The following ITGA3 variants were observed in gnomAD, a reference collection of about 807,000 sequenced individuals.
ITGA3 encodes the protein integrin alpha-3.
ITGA3 carries 70 observed loss-of-function variants against 131.1 expected under a neutral mutation model. The ratio of observed to expected loss-of-function variants is 0.53; its 90% CI spans 0.44 to 0.65. ITGA3 has a LOEUF of 0.65. Among genes scored for constraint, ITGA3 ranks in the 30% least tolerant of loss-of-function variants. ITGA3 has a pLI of 0.00. For synonymous variants in ITGA3, 537 were observed against 571.6 expected (o/e 0.94, Z 0.86); for missense variants, 1,098 against 1,388.6 (o/e 0.79, Z 3.33).
Position 50,071,433 on chromosome 17 carries a change from C to G in ITGA3, c.874C>G (p.Leu292Val). The G allele has an allele frequency of 6.2e-7, 1 of 1,614,072 alleles. No individual in the cohort carries two copies. The highest frequency in any genetic ancestry group is 8.5e-7 in the Non-Finnish European group (1 of 1,180,036). ...GCTGAGCCAGGAGGCAGGCGGAGAC[C>G]TGCGGAGGAGGCAGGTGCTGGAGGG... ...FLLSQEAGGD[L>V]RRRQVLEGSQ... is the part of the protein sequence containing the mutation. Residue 292 changes from leucine to valine, a missense_variant, in exon 6 of 26, where the codon CTG (leucine) becomes GTG (valine). Leu to Val is a conservative substitution (Grantham distance 32). This residue lies in a region of ITGA3 where 356 missense variants were observed against 529.2 expected (regional missense o/e 0.67). Transcript: ENST00000320031.
chr17:50,056,898 G>C lies in ITGA3; in HGVS notation c.206+253G>C, dbSNP rs926854329. Among the ~76,000 whole-genome samples, 2 of 152,186 alleles carry C rather than the reference G, an allele frequency of 1.3e-5. No homozygotes were observed. The highest frequency in any genetic ancestry group is 4.1e-4 in the South Asian group (2 of 4,822). ...CGCCCTTTAGATCTCTCATGAGAGC[G>C]GAAGTGGGGTCCCGGTGGCTGAGTC... On this transcript the variant is annotated intron_variant, in intron 1 of 25. Coordinates refer to ENST00000320031, the MANE Select transcript of ITGA3 (RefSeq NM_002204.4). This position sits in a 1 kb window ranked among gnomAD's most constrained non-coding sequence, Gnocchi z 5.6.
chr17:50,064,589 C>A lies in ITGA3; in HGVS notation c.396C>A (p.Gly132=), dbSNP rs1188384055. 2 of 1,612,552 alleles carry A rather than the reference C, an allele frequency of 1.2e-6. No homozygotes were observed. Among genetic ancestry groups the A allele is most frequent in the African/African-American group, 2.7e-5 (2 of 74,902 alleles). The change falls in exon 3 of 26, where the codon GGC becomes GGA. Residue 132 remains glycine (G), a synonymous_variant. Coordinates refer to ENST00000320031, the MANE Select transcript of ITGA3 (RefSeq NM_002204.4). This position sits in a 1 kb window ranked among gnomAD's most constrained non-coding sequence, Gnocchi z 4.4. Reference sequence around the variant, plus strand: ...TTGGAGTGACTGTGGCCAGCCAGGGCCCTGCAGGCAGAGTTCTGGTAAGTG... The same window carrying A: ...TTGGAGTGACTGTGGCCAGCCAGGGACCTGCAGGCAGAGTTCTGGTAAGTG... The part of the protein sequence containing the change: ...MWLGVTVASQ[G]PAGRVLVCAH...
intron 4 of ITGA3, among the ~76,000 whole-genome samples, chr17:50,069,764 T>C (rs1308613817): frequency 6.6e-6 from 1 of 152,208 alleles, no homozygotes; most frequent in Non-Finnish European, 1.5e-5. Context: ...TTTTAGAGGA[T>C]GAAGGGTATT....
intron 23 of ITGA3, among the ~76,000 whole-genome samples, chr17:50,082,193 T>C (rs962636440): frequency 1.3e-5 from 2 of 151,990 alleles, no homozygotes; most frequent in Non-Finnish European, 2.9e-5. Context: ...TTTATTTATT[T>C]ATTTATTTTT....
chr17:50,070,071 C>G (rs1300639579), intron 4 of ITGA3, among the ~76,000 whole-genome samples: 2 of 152,192 alleles, frequency 1.3e-5, no homozygotes, highest in Non-Finnish European at 2.9e-5. Context: ...CATGTAGCAC[C>G]TTGGCAAAGT....
chr17:50,060,675 C>T (rs1567695827), intron 1 of ITGA3, among the ~76,000 whole-genome samples: 1 of 152,060 alleles, frequency 6.6e-6, no homozygotes, highest in Non-Finnish European at 1.5e-5. Context: ...GGGGTCTCTG[C>T]TCCCCCCAGT....
rs1173842332 is a variant in ITGA3 at position 50,056,459 on chromosome 17, G to GCGCGCCC, written c.29_35dup (p.Leu14ProfsTer91). ...GCAGCCATGGGCCCCGGCCCCAGCC[G>GCGCGCCC]CGCGCCCCGCGCCCCACGCCTGATG... is the stretch of plus-strand genomic sequence containing the variant. On this transcript the variant is annotated frameshift_variant, in exon 1 of 26. Coordinates refer to ENST00000320031, the MANE Select transcript of ITGA3 (RefSeq NM_002204.4). LOFTEE classifies it high-confidence loss of function. This position sits in a 1 kb window ranked among gnomAD's most constrained non-coding sequence, Gnocchi z 5.6. The GCGCGCCC allele has an allele frequency of 3.3e-6, 5 of 1,535,082 alleles. No homozygotes were observed. The African/African-American group carries it at 5.6e-5, about 17-fold the overall frequency.
intron 12 of ITGA3, 31 bp from the exon 13 acceptor site, chr17:50,076,295 G>T: frequency 6.2e-7 from 1 of 1,606,300 alleles, no homozygotes. Context: ...GAGCAGTGCA[G>T]GGCCGGGCTC....
chr17:50,089,013 G>T, intron 25 of ITGA3, 97 bp from the exon 26 acceptor site: 1 of 895,812 alleles, frequency 1.1e-6, no homozygotes. Context: ...TTCTGGCTTT[G>T]AGGAGTTCTG....
At position 50,090,237 on chromosome 17, in the gene ITGA3, T is replaced by C. The variant is rs1909654646; in HGVS notation, c.*1159T>C. ...GTCAGGGGCCTAGAGGTGGAGTTCT[T>C]AGCTATCCTTGGCTTTCAGAGCCAG... On this transcript the variant is annotated 3_prime_UTR_variant, in exon 26 of 26. Coordinates refer to ENST00000320031, the MANE Select transcript of ITGA3 (RefSeq NM_002204.4). 2 of 456,362 alleles carry C rather than the reference T, an allele frequency of 4.4e-6. No homozygotes were observed. Among genetic ancestry groups the C allele is most frequent in the South Asian group, 3.1e-5 (2 of 64,558 alleles). The allele number at this position is 456,362 out of a possible 1,614,324, so 28.3% of individuals were successfully genotyped here. A position where few individuals can be genotyped will look rare whatever the true frequency, so the allele number is the denominator to read the frequency against.
chr17:50,079,776 G>A (rs968228638), intron 21 of ITGA3, among the ~76,000 whole-genome samples: 13 of 152,248 alleles, frequency 8.5e-5, no homozygotes, highest in African/African-American at 3.1e-4. Flanking sequence ...AAAGGAGGAG[G>A]CACTGGCTCT....
Position 50,077,415 on chromosome 17 carries a change from G to A in ITGA3, c.2107G>A (p.Glu703Lys), listed in dbSNP as rs1391826569. ...ACQANETIFC[E>K]LGNPFKRNQR... ...CCAAGCTAATGAGACCATCTTTTGCGAGCTGGGGAACCCCTTCAAACGGAA... is the reference window on the plus strand; with the variant it reads ...CCAAGCTAATGAGACCATCTTTTGCAAGCTGGGGAACCCCTTCAAACGGAA... The change falls in exon 16 of 26, where the codon GAG becomes AAG. Residue 703 changes from glutamate to lysine, a missense_variant. Coordinates refer to ENST00000320031, the MANE Select transcript of ITGA3 (RefSeq NM_002204.4). 6.2e-7 allele frequency: 1 copy of A among 1,613,994 alleles called. No individual in the cohort carries two copies. The highest frequency in any genetic ancestry group is 1.7e-5 in the Admixed American group (1 of 59,996).
intron 1 of ITGA3, among the ~76,000 whole-genome samples, chr17:50,057,758 C>T (rs895160993): frequency 6.6e-6 from 1 of 152,134 alleles, no homozygotes; most frequent in Non-Finnish European, 1.5e-5. Flanking sequence ...CCAGGGTACA[C>T]TGGAAAATCT....
At position 50,072,322 on chromosome 17, in the gene ITGA3, G is replaced by C. The variant is rs989321555; in HGVS notation, c.1156+140G>C. ...GGATGGGGCCGGACCTGGGGAGCTCGCAGCAGTACTAGAGAGAGGATGTGC... is the reference window on the plus strand; with the variant it reads ...GGATGGGGCCGGACCTGGGGAGCTCCCAGCAGTACTAGAGAGAGGATGTGC... On this transcript the variant is annotated intron_variant, in intron 7 of 25. Transcript: ENST00000320031. 4 of 732,366 alleles carry C rather than the reference G, an allele frequency of 5.5e-6. No homozygotes were observed. The African/African-American group carries it at 7.1e-5, about 13-fold the overall frequency. 45.4% of individuals were successfully genotyped at this position (732,366 alleles called of 1,614,324 possible).
At chr17:50,059,917 C>G (rs558556284) in intron 1 of ITGA3, among the ~76,000 whole-genome samples, 18 of 152,278 alleles carry the variant, frequency 1.2e-4, no homozygotes, top group African/African-American at 4.1e-4. Context: ...CTCATTCTCT[C>G]TCTCCCTCCA....
intron 1 of ITGA3, among the ~76,000 whole-genome samples, chr17:50,060,731 T>C (rs1226526908): frequency 6.6e-6 from 1 of 152,096 alleles, no homozygotes; most frequent in Non-Finnish European, 1.5e-5. Context: ...CTATCTTCCT[T>C]GCTCTAAGAG....
chr17:50,070,644 C>CAAAAAAAAAAA (rs59600840), intron 4 of ITGA3, among the ~76,000 whole-genome samples, 200 bp from the exon 5 acceptor site: 7 of 69,466 alleles, frequency 1.0e-4, no homozygotes, highest in African/African-American at 3.0e-4. Context: ...AAGACTGTCT[C>CAAAAAAAAAAA]AAAAAAAAAA....
chr17:50,076,089 C>T (rs1243285742), intron 12 of ITGA3, among the ~76,000 whole-genome samples: 1 of 152,150 alleles, frequency 6.6e-6, no homozygotes, highest in East Asian at 1.9e-4. Flanking sequence ...CCTGGAGACC[C>T]TGTGGATGGG....
rs543800975 is a variant in ITGA3 at position 50,062,440 on chromosome 17, G to A, written c.207-1637G>A. ...TGGGTGGTCAGGCAGTGGACTCATC[G>A]AGGCCTTCCCAGCCCAGAGAGAAGT... is the stretch of plus-strand genomic sequence containing the variant. On this transcript the variant is annotated intron_variant, in intron 1 of 25. Coordinates refer to ENST00000320031, the MANE Select transcript of ITGA3 (RefSeq NM_002204.4). Among the ~76,000 whole-genome samples the A allele has an allele frequency of 3.9e-5, 6 of 152,260 alleles. No homozygotes were observed. In the South Asian group the frequency reaches 6.2e-4, roughly 16 times the overall value.
Sources: allele counts gnomAD v4.1 joint callset (sites outside exome capture counted in the v4.1 genomes callset), GRCh38; gene constraint gnomAD v4.1.1; regional missense constraint gnomAD v4.1.1; non-coding constraint Gnocchi (gnomAD v3.1); transcripts MANE v1.5; gene names NCBI Gene and HGNC (gene_info 2026-07-23, HGNC 2026-07-21).